The following ASIC2 variants were observed in gnomAD, a reference collection of about 807,000 sequenced individuals.
The protein encoded by ASIC2 is acid-sensing ion channel 2.
ASIC2 carries 25 observed loss-of-function variants against 57.3 expected under a neutral mutation model. The ratio of observed to expected loss-of-function variants is 0.44; its 90% CI spans 0.32 to 0.61. The LOEUF is 0.61. ASIC2 is among the 20% of genes least tolerant of loss of function. The pLI, the probability that ASIC2 is intolerant of heterozygous loss-of-function variation, is 0.06. For synonymous variants in ASIC2, 319 were observed against 307.5 expected, an observed-to-expected ratio of 1.04 and a Z score of -0.39; for missense variants, 641 against 738.1, an observed-to-expected ratio of 0.87 and a Z score of 1.52.
chr17:33,737,746 A>G (rs1283694733), intron 1 of ASIC2, among the ~76,000 whole-genome samples: 1 of 151,360 alleles, frequency 6.6e-6, no homozygotes, highest in African/African-American at 2.4e-5. Flanking sequence ...GAAAGCGTCC[A>G]CCTGCATATA....
intron 1 of ASIC2, among the ~76,000 whole-genome samples, chr17:33,330,994 T>C (rs571435562): frequency 6.6e-6 from 1 of 152,258 alleles, no homozygotes; most frequent in Non-Finnish European, 1.5e-5. Flanking sequence ...GGCTACAGAC[T>C]GATGCTTGTT....
chr17:33,685,637 A>T (rs1465717550), intron 1 of ASIC2, among the ~76,000 whole-genome samples: 1 of 152,230 alleles, frequency 6.6e-6, no homozygotes, highest in Non-Finnish European at 1.5e-5. Flanking sequence ...GAATTCTGAG[A>T]GGAAGGAGGC....
chr17:33,836,364 T>C (rs1332253291), intron 1 of ASIC2, among the ~76,000 whole-genome samples: 1 of 151,840 alleles, frequency 6.6e-6, no homozygotes, highest in Non-Finnish European at 1.5e-5. Flanking sequence ...CCTGCCTTTT[T>C]AGAGATGGGA....
At chr17:33,929,263 AC>A (rs1387175906) in intron 1 of ASIC2, among the ~76,000 whole-genome samples, 4 of 151,924 alleles carry the variant, frequency 2.6e-5, no homozygotes, top group African/African-American at 9.7e-5. Context: ...CCTCCCAGCC[AC>A]TGCCCCCGAC....
intron 1 of ASIC2, among the ~76,000 whole-genome samples, chr17:33,419,680 TGG>T (rs957054046): frequency 2.6e-5 from 4 of 152,246 alleles, no homozygotes; most frequent in Non-Finnish European, 4.4e-5. Context: ...TGGGCAAATA[TGG>T]ATGTGCAGGG....
At chr17:33,631,919 A>C (rs569306955) in intron 1 of ASIC2, among the ~76,000 whole-genome samples, 32 of 152,338 alleles carry the variant, frequency 2.1e-4, no homozygotes, top group Non-Finnish European at 4.3e-4. Context: ...GGTCTCTTCC[A>C]AGTCTGAGAT....
chr17:33,437,434 GA>G (rs1030348584), intron 1 of ASIC2, among the ~76,000 whole-genome samples: 4 of 152,156 alleles, frequency 2.6e-5, no homozygotes, highest in African/African-American at 9.7e-5. Flanking sequence ...AAAATGGAAA[GA>G]TTTTTTTAAA....
intron 1 of ASIC2, among the ~76,000 whole-genome samples, chr17:33,484,397 C>T (rs1319727039): frequency 6.6e-6 from 1 of 152,140 alleles, no homozygotes; most frequent in African/African-American, 2.4e-5. Context: ...AATGCATTTC[C>T]CTGCAGCAGC....
At chr17:33,332,694 C>T (rs1344776318) in intron 1 of ASIC2, among the ~76,000 whole-genome samples, 7 of 152,094 alleles carry the variant, frequency 4.6e-5, no homozygotes, top group Non-Finnish European at 4.4e-5. Flanking sequence ...AGTTCGAGAG[C>T]AGCCTGGCCA....
intron 1 of ASIC2, among the ~76,000 whole-genome samples, chr17:33,707,145 C>T (rs1908887643): frequency 6.6e-6 from 1 of 152,162 alleles, no homozygotes; most frequent in South Asian, 2.1e-4. Context: ...TATTTCTGAT[C>T]TCATGTATGT....
intron 1 of ASIC2, among the ~76,000 whole-genome samples, chr17:34,123,550 A>G (rs1316440109): frequency 2.0e-5 from 3 of 152,182 alleles, no homozygotes; most frequent in African/African-American, 4.8e-5. Flanking sequence ...CTGAGTCACC[A>G]TGACAGTGAC....
chr17:33,762,223 G>A (rs1394012478), intron 1 of ASIC2, among the ~76,000 whole-genome samples: 1 of 152,122 alleles, frequency 6.6e-6, no homozygotes, highest in Non-Finnish European at 1.5e-5. Context: ...CAGATTTATG[G>A]AGGGGGGCAA....
At chr17:33,330,625 T>A (rs1233292624) in intron 1 of ASIC2, among the ~76,000 whole-genome samples, 1 of 152,186 alleles carries the variant, frequency 6.6e-6, no homozygotes, top group Non-Finnish European at 1.5e-5. Flanking sequence ...TCTACGACTC[T>A]AAGTCCATGC....
intron 1 of ASIC2, among the ~76,000 whole-genome samples, chr17:33,885,805 C>T (rs967720679): frequency 6.6e-6 from 1 of 152,214 alleles, no homozygotes; most frequent in Non-Finnish European, 1.5e-5. Context: ...TTTTCTTCTG[C>T]ACTCTGGAAG....
intron 1 of ASIC2, among the ~76,000 whole-genome samples, chr17:33,747,502 C>T (rs28617510): frequency 0.018 from 2,793 of 152,160 alleles, 93 homozygotes; most frequent in African/African-American, 0.063. Flanking sequence ...GGATGGCAGG[C>T]GTACTCCATT....
intron 1 of ASIC2, among the ~76,000 whole-genome samples, chr17:33,567,457 G>T (rs185460887): frequency 2.0e-5 from 3 of 152,346 alleles, no homozygotes; most frequent in Non-Finnish European, 4.4e-5. Flanking sequence ...TTCCAGGGAA[G>T]GGTATGAGAG....
chr17:33,442,661 GT>G (rs1186891858), intron 1 of ASIC2, among the ~76,000 whole-genome samples: 3 of 150,788 alleles, frequency 2.0e-5, no homozygotes, highest in South Asian at 2.1e-4. Flanking sequence ...TAGTTTCTGG[GT>G]TTTTTTTTCT....
At chr17:33,668,286 T>C (rs7226151) in intron 1 of ASIC2, among the ~76,000 whole-genome samples, 31 of 137,114 alleles carry the variant, frequency 2.3e-4, no homozygotes, top group African/African-American at 9.6e-4. Context: ...TTTTTTTTTT[T>C]TTTTTTTTTT....
intron 1 of ASIC2, among the ~76,000 whole-genome samples, chr17:33,422,392 T>A (rs1365186167): frequency 1.3e-5 from 2 of 152,196 alleles, no homozygotes; most frequent in Non-Finnish European, 2.9e-5. Context: ...TGCCAGGTGA[T>A]GCAAAGACTT....
Sources: allele counts gnomAD v4.1 joint callset (sites outside exome capture counted in the v4.1 genomes callset), GRCh38; gene constraint gnomAD v4.1.1; transcripts MANE v1.5; gene names NCBI Gene and HGNC (gene_info 2026-07-23, HGNC 2026-07-21).